Variants in KCNMA1 observed in about 807,000 individuals in gnomAD.
KCNMA1 encodes the protein potassium calcium-activated channel subfamily M alpha 1.
In KCNMA1, 29 loss-of-function variants were observed where a neutral mutation model predicts 140.0. That is an observed-to-expected ratio of 0.21 (90% CI 0.15 to 0.28). KCNMA1 has a LOEUF of 0.28. Ranked by LOEUF, KCNMA1 falls within the 10% of genes least tolerant of loss-of-function variation. The probability of loss-of-function intolerance (pLI) is 1.00; values close to 1 mark genes in which losing one functional copy is unlikely to be tolerated. For missense variants in KCNMA1, 880 were observed against 1,602.2 expected (o/e 0.55, Z 7.70); for synonymous variants, 612 against 611.9 (o/e 1.00, Z 0.00).
intron 17 of KCNMA1, chr10:77,012,608 A>G (rs926826539): frequency 9.1e-6 from 13 of 1,432,650 alleles, no homozygotes; most frequent in South Asian, 2.5e-5. Context: ...CCTCTGTCAA[A>G]CCCCCTCTGG....
chr10:76,947,602 A>G (rs907007735), intron 22 of KCNMA1, among the ~76,000 whole-genome samples: 10 of 152,232 alleles, frequency 6.6e-5, no homozygotes, highest in African/African-American at 2.4e-4. Context: ...ATATTTCTGG[A>G]ATGAGCAAAG....
intron 15 of KCNMA1, among the ~76,000 whole-genome samples, chr10:77,032,651 T>A (rs2094015136): frequency 6.6e-6 from 1 of 151,830 alleles, no homozygotes; most frequent in African/African-American, 2.4e-5. Context: ...ACTGTTATAA[T>A]AACAAGTTAG....
At position 77,160,715 on chromosome 10, in the gene KCNMA1, C is replaced by T. The variant is rs141945831; in HGVS notation, c.808+22706G>A. ...ACAGAGTTTATCAAATACAGTAATG[C>T]TTACAAAAGGTTTTCACATAGTTGA... On this transcript the variant is annotated intron_variant, in intron 5 of 27. Transcript: ENST00000286628. Among the ~76,000 whole-genome samples, 1,191 of 152,320 alleles carry T rather than the reference C, an allele frequency of 7.8e-3. 9 individuals carry two copies. The highest frequency in any genetic ancestry group is 0.012 in the Non-Finnish European group (831 of 68,040).
At chr10:77,116,988 T>C (rs926775598) in intron 6 of KCNMA1, among the ~76,000 whole-genome samples, 9 of 152,190 alleles carry the variant, frequency 5.9e-5, no homozygotes, top group African/African-American at 1.7e-4. Context: ...AGTCTCCATA[T>C]AGAATACTCT....
chr10:77,461,821 G>A (rs1274229537), intron 1 of KCNMA1, among the ~76,000 whole-genome samples: 4 of 152,080 alleles, frequency 2.6e-5, no homozygotes, highest in Non-Finnish European at 5.9e-5. Context: ...CCATTGCCCC[G>A]GGGACACCCA....
At chr10:77,371,593 G>A (rs1315737634) in intron 2 of KCNMA1, among the ~76,000 whole-genome samples, 2 of 152,192 alleles carry the variant, frequency 1.3e-5, no homozygotes, top group African/African-American at 4.8e-5. Context: ...GAGCTGTGAG[G>A]CAGCTGCTCC....
intron 1 of KCNMA1, among the ~76,000 whole-genome samples, chr10:77,485,439 C>T (rs889650095): frequency 6.6e-6 from 1 of 152,202 alleles, no homozygotes; most frequent in African/African-American, 2.4e-5. Context: ...TGCAGGCTGA[C>T]CGAGCGTGTC....
At chr10:77,518,356 C>T (rs1032494083) in intron 1 of KCNMA1, among the ~76,000 whole-genome samples, 2 of 152,242 alleles carry the variant, frequency 1.3e-5, no homozygotes, top group Non-Finnish European at 2.9e-5. Context: ...GCACCCAGAA[C>T]AGGCCAACAC....
chr10:77,039,883 CTTT>C (rs34943268), intron 14 of KCNMA1, among the ~76,000 whole-genome samples: 5 of 78,954 alleles, frequency 6.3e-5, no homozygotes, highest in Non-Finnish European at 8.7e-5. Context: ...TTTTCTTTTT[CTTT>C]TTTTTTTTTT....
chr10:77,239,249 G>C (rs2056556785), intron 3 of KCNMA1, among the ~76,000 whole-genome samples: 3 of 152,190 alleles, frequency 2.0e-5, no homozygotes, highest in South Asian at 4.1e-4. Flanking sequence ...CACATGCTAG[G>C]TACAGTCATC....
intron 3 of KCNMA1, chr10:77,249,412 A>G (rs2059268464): frequency 6.6e-6 from 1 of 152,206 alleles, no homozygotes; most frequent in Non-Finnish European, 1.5e-5. Context: ...TAGACTGTAA[A>G]AAAAGACACA....
intron 5 of KCNMA1, among the ~76,000 whole-genome samples, chr10:77,137,756 T>C (rs1314900987): frequency 1.3e-5 from 2 of 152,202 alleles, no homozygotes; most frequent in Non-Finnish European, 2.9e-5. Flanking sequence ...CCTTTGGTAA[T>C]TGTTCAGGTT....
At chr10:77,199,194 A>G (rs1261274429) in intron 3 of KCNMA1, among the ~76,000 whole-genome samples, 1 of 152,206 alleles carries the variant, frequency 6.6e-6, no homozygotes, top group African/African-American at 2.4e-5. Context: ...CATCTTTTCA[A>G]AGGATTATCT....
intron 5 of KCNMA1, 50 bp from the exon 6 acceptor site, chr10:77,121,098 A>T (rs763485876): frequency 8.6e-7 from 1 of 1,165,612 alleles, no homozygotes; most frequent in Non-Finnish European, 1.3e-6. Flanking sequence ...GTGTGATTTT[A>T]ATGTTCACAG....
intron 14 of KCNMA1, among the ~76,000 whole-genome samples, chr10:77,053,544 C>T (rs543281252): frequency 5.3e-4 from 80 of 152,246 alleles, no homozygotes; most frequent in African/African-American, 1.9e-3. Flanking sequence ...TCAGAAAATT[C>T]TGCTGACTCC....
At chr10:77,422,213 G>C (rs898489516) in intron 1 of KCNMA1, among the ~76,000 whole-genome samples, 6 of 152,206 alleles carry the variant, frequency 3.9e-5, no homozygotes, top group Admixed American at 3.9e-4. Flanking sequence ...AGAATTTAGA[G>C]GAATGGGTCT....
intron 2 of KCNMA1, among the ~76,000 whole-genome samples, chr10:77,303,964 C>G (rs1489832323): frequency 6.6e-6 from 1 of 152,214 alleles, no homozygotes; most frequent in East Asian, 1.9e-4. Flanking sequence ...CAGATACTAT[C>G]TTTGATATCA....
At chr10:77,369,101 G>C (rs1186061572) in intron 2 of KCNMA1, among the ~76,000 whole-genome samples, 1 of 152,140 alleles carries the variant, frequency 6.6e-6, no homozygotes, top group Non-Finnish European at 1.5e-5. Context: ...ATTTTGGTTG[G>C]AGTTACATTA....
intron 2 of KCNMA1, among the ~76,000 whole-genome samples, chr10:77,363,052 C>T (rs2094108332): frequency 6.6e-6 from 1 of 152,168 alleles, no homozygotes; most frequent in African/African-American, 2.4e-5. Flanking sequence ...GCAAACCATT[C>T]AAGTCCTCGT....
Sources: allele counts gnomAD v4.1 joint callset (sites outside exome capture counted in the v4.1 genomes callset), GRCh38; gene constraint gnomAD v4.1.1; transcripts MANE v1.5; gene names NCBI Gene and HGNC (gene_info 2026-07-23, HGNC 2026-07-21).